Variants in FMN2 observed in about 807,000 individuals in gnomAD.
FMN2 encodes formin 2, also known as formin-2.
Under a neutral mutation model 142.3 loss-of-function variants are expected in FMN2, and 51 were observed. The ratio of observed to expected loss-of-function variants is 0.36; its 90% CI spans 0.29 to 0.45. The LOEUF (loss-of-function observed/expected upper bound fraction) is 0.45, where lower values mean the gene tolerates loss of function less well. FMN2 is among the 20% of genes least tolerant of loss of function. FMN2 has a pLI of 1.00. For missense variants in FMN2, 1,936 were observed against 2,122.8 expected, an observed-to-expected ratio of 0.91 and a Z score of 1.73; for synonymous variants, 882 against 869.8, an observed-to-expected ratio of 1.01 and a Z score of -0.25.
chr1:240,096,084 G>A (rs1661186507), intron 1 of FMN2, among the ~76,000 whole-genome samples: 1 of 152,168 alleles, frequency 6.6e-6, no homozygotes, highest in Admixed American at 6.5e-5. Context: ...GTGGGAAAAT[G>A]TAGATAGAGA....
chr1:240,173,280 G>A (rs943280852), intron 2 of FMN2, among the ~76,000 whole-genome samples: 21 of 152,118 alleles, frequency 1.4e-4, no homozygotes, highest in African/African-American at 3.9e-4. Context: ...CCAGAGCTAG[G>A]GGAGATTTAC....
chr1:240,269,006 T>C (rs1668904399), intron 7 of FMN2, among the ~76,000 whole-genome samples: 1 of 152,060 alleles, frequency 6.6e-6, no homozygotes, highest in South Asian at 2.1e-4. Flanking sequence ...TTTGTGGTTG[T>C]CTCTGCACTC....
At chr1:240,425,120 G>C (rs1017833801) in intron 15 of FMN2, among the ~76,000 whole-genome samples, 1 of 151,766 alleles carries the variant, frequency 6.6e-6, no homozygotes, top group Non-Finnish European at 1.5e-5. Flanking sequence ...ATTCAGGGGT[G>C]GCTGTTGTGG....
At chr1:240,114,960 C>A (rs1160034773) in intron 1 of FMN2, among the ~76,000 whole-genome samples, 1 of 152,052 alleles carries the variant, frequency 6.6e-6, no homozygotes, top group Admixed American at 6.6e-5. Flanking sequence ...CCGGCCAATT[C>A]TATCATTCCT....
At chr1:240,143,298 G>A (rs1266082657) in intron 2 of FMN2, 22 of 1,528,510 alleles carry the variant, frequency 1.4e-5, no homozygotes, top group Non-Finnish European at 2.0e-5. Context: ...AAACAGAGAT[G>A]AGGGCCAGTG....
intron 7 of FMN2, among the ~76,000 whole-genome samples, chr1:240,266,858 T>C (rs1314125564): frequency 6.6e-6 from 1 of 152,084 alleles, no homozygotes; most frequent in East Asian, 1.9e-4. Context: ...AAGGACTCCC[T>C]ATTTAATAAA....
At chr1:240,168,753 AATACT>A (rs1202714254) in intron 2 of FMN2, among the ~76,000 whole-genome samples, 2 of 152,236 alleles carry the variant, frequency 1.3e-5, no homozygotes, top group Non-Finnish European at 2.9e-5. Context: ...AAGAAAAAAC[AATACT>A]GAAGTGGAAC....
At chr1:240,238,847 TCAA>T (rs1180211957) in intron 6 of FMN2, among the ~76,000 whole-genome samples, 1 of 152,148 alleles carries the variant, frequency 6.6e-6, no homozygotes, top group African/African-American at 2.4e-5. Flanking sequence ...TCTGTTATAC[TCAA>T]CAACAATATG....
intron 8 of FMN2, among the ~76,000 whole-genome samples, chr1:240,318,296 T>G (rs1326278964): frequency 6.6e-6 from 1 of 152,188 alleles, no homozygotes; most frequent in Non-Finnish European, 1.5e-5. Context: ...ATGGGACAGT[T>G]TTTCATTTGG....
At chr1:240,418,964 T>C (rs1039168152) in intron 15 of FMN2, among the ~76,000 whole-genome samples, 1 of 152,068 alleles carries the variant, frequency 6.6e-6, no homozygotes, top group African/African-American at 2.4e-5. Context: ...AAAAATTAGC[T>C]GGACATGGTG....
At chr1:240,159,859 C>T (rs992064154) in intron 2 of FMN2, among the ~76,000 whole-genome samples, 2 of 144,542 alleles carry the variant, frequency 1.4e-5, no homozygotes, top group African/African-American at 5.1e-5. Flanking sequence ...CCTCTTGGAG[C>T]ATATGAATTA....
At position 240,330,763 on chromosome 1, in the gene FMN2, A is replaced by G; in HGVS notation, c.4584+14A>G. ...GTCAAGAGCAGTGTAAGTATTTTGC[A>G]TGAGTGGACGTAAGCACATTGAGGA... On this transcript the variant is annotated intron_variant, in intron 11 of 17. Coordinates refer to ENST00000319653, the MANE Select transcript of FMN2 (RefSeq NM_020066.5). 1.2e-6 allele frequency: 2 copies of G among 1,613,042 alleles called. No homozygotes were observed. Among genetic ancestry groups the G allele is most frequent in the Non-Finnish European group, 8.5e-7 (1 of 1,179,514 alleles).
intron 6 of FMN2, among the ~76,000 whole-genome samples, chr1:240,239,410 A>G (rs1478343344): frequency 6.6e-6 from 1 of 152,234 alleles, no homozygotes; most frequent in Non-Finnish European, 1.5e-5. Flanking sequence ...TTAAAATCAC[A>G]TGTTGAAATT....
At chr1:240,438,970 T>G (rs914755948) in intron 16 of FMN2, among the ~76,000 whole-genome samples, 3 of 152,064 alleles carry the variant, frequency 2.0e-5, no homozygotes, top group African/African-American at 7.2e-5. Context: ...CTTTAGATCT[T>G]TAGAAAACTT....
chr1:240,448,488 C>A (rs150385094), intron 16 of FMN2, among the ~76,000 whole-genome samples: 2 of 152,088 alleles, frequency 1.3e-5, no homozygotes, highest in Non-Finnish European at 2.9e-5. Context: ...TACATAGGAC[C>A]TTTATTGCTA....
chr1:240,408,715 A>G (rs1385065435), intron 15 of FMN2, among the ~76,000 whole-genome samples: 1 of 152,152 alleles, frequency 6.6e-6, no homozygotes, highest in African/African-American at 2.4e-5. Context: ...TTAATATTCA[A>G]TCTATGAATC....
intron 3 of FMN2, among the ~76,000 whole-genome samples, chr1:240,181,090 C>T (rs11577702): frequency 0.23 from 34,224 of 151,830 alleles, 4,110 homozygotes; most frequent in African/African-American, 0.29. Context: ...CTGCAACCAC[C>T]GTCTCCCGGG....
intron 11 of FMN2, 136 bp from the exon 12 acceptor site, chr1:240,333,751 C>A: frequency 1.5e-6 from 1 of 677,916 alleles, no homozygotes; most frequent in Non-Finnish European, 2.3e-6. Flanking sequence ...CCAAGACAAT[C>A]CAAAATGTAA....
chr1:240,099,879 C>A (rs1049393420), intron 1 of FMN2, among the ~76,000 whole-genome samples: 1 of 152,066 alleles, frequency 6.6e-6, no homozygotes. Context: ...TCCTCCTTGC[C>A]TGTTCACCCG....
Sources: allele counts gnomAD v4.1 joint callset (sites outside exome capture counted in the v4.1 genomes callset), GRCh38; gene constraint gnomAD v4.1.1; transcripts MANE v1.5; gene names NCBI Gene and HGNC (gene_info 2026-07-23, HGNC 2026-07-21).